Variants in KY observed in about 807,000 individuals in gnomAD.
KY encodes the protein kyphoscoliosis peptidase.
KY carries 43 observed loss-of-function variants against 76.1 expected under a neutral mutation model. The ratio of observed to expected loss-of-function variants is 0.57; its 90% CI spans 0.44 to 0.73. KY has a LOEUF of 0.73. Among genes scored for constraint, KY ranks in the 30% least tolerant of loss-of-function variants. The pLI is 0.00. For synonymous variants in KY, 277 were observed against 326.2 expected, an observed-to-expected ratio of 0.85 and a Z score of 1.63; for missense variants, 722 against 828.9, an observed-to-expected ratio of 0.87 and a Z score of 1.58.
intron 3 of KY, among the ~76,000 whole-genome samples, chr3:134,630,218 T>A (rs887813883): frequency 2.6e-5 from 4 of 152,132 alleles, no homozygotes; most frequent in Non-Finnish European, 5.9e-5. Flanking sequence ...AAGAAATCTT[T>A]TGTTGTTGTT....
chr3:134,649,975 C>G (rs1044794095), intron 1 of KY, among the ~76,000 whole-genome samples: 8 of 152,218 alleles, frequency 5.3e-5, no homozygotes, highest in African/African-American at 1.9e-4. Context: ...CGCAGTCCGC[C>G]TAGTGCATCC....
At chr3:134,610,784 G>T (rs191005181) in intron 8 of KY, 359 of 164,192 alleles carry the variant, frequency 2.2e-3, no homozygotes, top group Non-Finnish European at 3.1e-3. Flanking sequence ...CAATGTTCCT[G>T]CAACAAAACC....
chr3:134,626,814 G>A (rs939782662), intron 5 of KY, among the ~76,000 whole-genome samples: 4 of 152,232 alleles, frequency 2.6e-5, no homozygotes, highest in Admixed American at 2.6e-4. Context: ...CCGCTGTGCT[G>A]TGTGGTCCAA....
chr3:134,644,789 C>T (rs1265444973), intron 2 of KY, among the ~76,000 whole-genome samples: 1 of 152,234 alleles, frequency 6.6e-6, no homozygotes, highest in African/African-American at 2.4e-5. Context: ...TTGTGATCCA[C>T]CTGACAGAGT....
chr3:134,640,374 T>C (rs1377658247), intron 3 of KY, among the ~76,000 whole-genome samples: 1 of 152,116 alleles, frequency 6.6e-6, no homozygotes, highest in East Asian at 1.9e-4. Context: ...TCAGGCAAGT[T>C]ATTTAAATAT....
In KY at chr3:134,604,477, G is replaced by A. The variant is rs1959108733; in HGVS notation, c.1091-3C>T. ...GGTGACCGTGGCCTTCCCATTCACT[G>A]AGGAGAGAAAGTCAGGGTCAGCAGA... On this transcript the variant is annotated splice_region_variant and splice_polypyrimidine_tract_variant and intron_variant, in intron 10 of 10. Coordinates refer to ENST00000423778, the MANE Select transcript of KY (RefSeq NM_178554.6). 2 of 1,598,722 alleles carry A rather than the reference G, an allele frequency of 1.3e-6. No homozygotes were observed. Among genetic ancestry groups the A allele is most frequent in the Non-Finnish European group, 1.7e-6 (2 of 1,170,514 alleles).
intron 1 of KY, among the ~76,000 whole-genome samples, chr3:134,650,454 G>C (rs1254034526): frequency 6.6e-6 from 1 of 152,160 alleles, no homozygotes. Context: ...CTGTGGGGGG[G>C]AGCAGGCCTC....
At position 134,610,334 on chromosome 3, in the gene KY, C is replaced by A; in HGVS notation, c.760G>T (p.Gly254Cys). The A allele has an allele frequency of 6.2e-7, 1 of 1,613,626 alleles. No homozygotes were observed. Among genetic ancestry groups the A allele is most frequent in the South Asian group, 1.1e-5 (1 of 91,046 alleles). Reference sequence around the variant, plus strand: ...GAGAAGCTCTGCCCTGTCTGGTAGCCGAAACCCTTGGAGTAGCCAGGCACG... The same window carrying A: ...GAGAAGCTCTGCCCTGTCTGGTAGCAGAAACCCTTGGAGTAGCCAGGCACG... Reference protein sequence around the residue: ...MTVPGYSKGFGYQTGQSFSGE... With the variant: ...MTVPGYSKGFCYQTGQSFSGE... Residue 254 changes from glycine (G) to cysteine (C), a missense_variant, in exon 9 of 11, where the codon GGC (glycine) becomes TGC (cysteine). Around this residue, in one of 2 missense-constraint regions of KY, gnomAD observed 552 missense variants for 680.9 expected, o/e 0.81. Transcript: ENST00000423778.
rs58745095 is a variant in KY at position 134,601,262 on chromosome 3, GA to G, written c.*2316del. 95,420 of 151,708 alleles carry G rather than the reference GA, an allele frequency of 0.63. 30,483 individuals are homozygous for G. The highest frequency in any genetic ancestry group is 0.87 in the East Asian group (4,457 of 5,132). The allele number at this position is 151,708 out of a possible 1,614,324, so 9.4% of individuals were successfully genotyped here. A position where few individuals can be genotyped will look rare whatever the true frequency, so the allele number is the denominator to read the frequency against. Reference sequence around the variant, plus strand: ...AGGGGGTGCCTAGTTAAACGAGAGGGAGGGGCTTGCTGATGCCCTGCGGTGC... The same window carrying G: ...AGGGGGTGCCTAGTTAAACGAGAGGGGGGGCTTGCTGATGCCCTGCGGTGC... On this transcript the variant is annotated 3_prime_UTR_variant, in exon 11 of 11. Transcript: ENST00000423778.
At chr3:134,640,746 C>T (rs1300943402) in intron 3 of KY, among the ~76,000 whole-genome samples, 1 of 152,212 alleles carries the variant, frequency 6.6e-6, no homozygotes, top group African/African-American at 2.4e-5. Context: ...GCATCTCCCT[C>T]ATCTTCATCC....
chr3:134,632,968 A>G (rs1166827912), intron 3 of KY, among the ~76,000 whole-genome samples: 2 of 152,052 alleles, frequency 1.3e-5, no homozygotes, highest in Non-Finnish European at 2.9e-5. Flanking sequence ...ATAATAATAA[A>G]GGAATGCTAC....
intron 10 of KY, among the ~76,000 whole-genome samples, chr3:134,605,499 C>T (rs1959177698): frequency 6.6e-6 from 1 of 152,178 alleles, no homozygotes; most frequent in Non-Finnish European, 1.5e-5. Flanking sequence ...ATTGAATCTG[C>T]ATTCCATGCC....
chr3:134,647,980 C>T (rs537596923), intron 1 of KY, among the ~76,000 whole-genome samples: 5 of 152,184 alleles, frequency 3.3e-5, no homozygotes, highest in Non-Finnish European at 7.3e-5. Context: ...AGAGGGTAAA[C>T]ACGTATGGCC....
At chr3:134,607,893 G>A in intron 10 of KY, 1 of 991,564 alleles carries the variant, frequency 1.0e-6, no homozygotes, top group Non-Finnish European at 1.2e-6. Flanking sequence ...GCTGGAGCTT[G>A]GCCCTCATCC....
intron 3 of KY, among the ~76,000 whole-genome samples, chr3:134,632,469 G>A (rs868052943): frequency 6.6e-6 from 1 of 151,960 alleles, no homozygotes; most frequent in Non-Finnish European, 1.5e-5. Context: ...ACTGGAAAAT[G>A]TCCAAGTATT....
In KY at chr3:134,610,303, T is replaced by C; in HGVS notation, c.791A>G (p.Glu264Gly). Residue 264 changes from glutamate to glycine, a missense_variant, in exon 9 of 11, where the codon GAG (glutamate) becomes GGG (glycine). Glu to Gly is a moderately conservative substitution (Grantham distance 98). Around this residue, in one of 2 missense-constraint regions of KY, gnomAD observed 552 missense variants for 680.9 expected, o/e 0.81. Coordinates refer to ENST00000423778, the MANE Select transcript of KY (RefSeq NM_178554.6). ...GYQTGQSFSG[E>G]FDHAWNAVYL... ...CACAGCATTCCAGGCATGGTCAAAC[T>C]CCCCCGAGAAGCTCTGCCCTGTCTG... The C allele has an allele frequency of 6.2e-7, 1 of 1,613,022 alleles. No homozygotes were observed. The highest frequency in any genetic ancestry group is 8.5e-7 in the Non-Finnish European group (1 of 1,179,634).
chr3:134,610,548 C>G (rs777320674), intron 8 of KY, 165 bp from the exon 9 acceptor site: 24 of 621,866 alleles, frequency 3.9e-5, no homozygotes, highest in Non-Finnish European at 6.7e-5. Flanking sequence ...TGGCTTTTAT[C>G]TCGGGGCACT....
At position 134,643,478 on chromosome 3, in the gene KY, G is replaced by T; in HGVS notation, c.200-100C>A. The T allele has an allele frequency of 3.2e-6, 3 of 947,792 alleles. No homozygotes were observed. In the South Asian group the frequency reaches 4.3e-5, roughly 14 times the overall value. 58.7% of individuals were successfully genotyped at this position (947,792 alleles called of 1,614,324 possible). On this transcript the variant is annotated intron_variant, in intron 2 of 10. Coordinates refer to ENST00000423778, the MANE Select transcript of KY (RefSeq NM_178554.6). ...GTTTGCGGGAAAGGTGGGCTGGCGG[G>T]GGCCAAGCACATCCCCAGGCCTAAA...
At chr3:134,622,263 C>A (rs1382379545) in intron 6 of KY, among the ~76,000 whole-genome samples, 1 of 152,088 alleles carries the variant, frequency 6.6e-6, no homozygotes, top group Non-Finnish European at 1.5e-5. Context: ...TTTGTTTCCC[C>A]AATGTTCATT....
Sources: allele counts gnomAD v4.1 joint callset (sites outside exome capture counted in the v4.1 genomes callset), GRCh38; gene constraint gnomAD v4.1.1; regional missense constraint gnomAD v4.1.1; transcripts MANE v1.5; gene names NCBI Gene and HGNC (gene_info 2026-07-23, HGNC 2026-07-21).